Variants in SNX8 observed in about 807,000 individuals in gnomAD.
SNX8 encodes sorting nexin 8.
SNX8 carries 25 observed loss-of-function variants against 51.6 expected under a neutral mutation model. The ratio of observed to expected loss-of-function variants is 0.48; its 90% CI spans 0.35 to 0.68. The LOEUF is 0.68. SNX8 is among the 30% of genes least tolerant of loss of function. The pLI is 0.00. For missense variants in SNX8, 695 were observed against 624.0 expected (o/e 1.11, Z -1.21); for synonymous variants, 324 against 277.0 (o/e 1.17, Z -1.68).
chr7:2,317,907 G>A (rs552540905), upstream of SNX8, among the ~76,000 whole-genome samples: 29 of 152,242 alleles, frequency 1.9e-4, no homozygotes, highest in African/African-American at 6.7e-4. Flanking sequence ...GTGGGACATG[G>A]CAGGATCCTG....
At chr7:2,274,021 G>A (rs1278084404) in intron 3 of SNX8, among the ~76,000 whole-genome samples, 2 of 152,216 alleles carry the variant, frequency 1.3e-5, no homozygotes, top group African/African-American at 4.8e-5. Flanking sequence ...TTCCTTAAAT[G>A]CGCAAGCGGC....
upstream of SNX8, among the ~76,000 whole-genome samples, chr7:2,316,792 C>G (rs1236816587): frequency 6.6e-6 from 1 of 151,824 alleles, no homozygotes; most frequent in East Asian, 1.9e-4. Context: ...CACCCACCCA[C>G]TCACTCACTC....
At chr7:2,295,172 G>T (rs1019552818) in intron 1 of SNX8, among the ~76,000 whole-genome samples, 3 of 152,312 alleles carry the variant, frequency 2.0e-5, no homozygotes, top group African/African-American at 4.8e-5. Flanking sequence ...GGGAGGCCAA[G>T]GCGGGCAGAT....
intron 1 of SNX8, among the ~76,000 whole-genome samples, chr7:2,291,424 C>A (rs1796148987): frequency 6.6e-6 from 1 of 152,040 alleles, no homozygotes; most frequent in Non-Finnish European, 1.5e-5. Context: ...ATGGCGAAAC[C>A]CTGTCTCTAC....
intron 1 of SNX8, among the ~76,000 whole-genome samples, chr7:2,283,436 C>T (rs1432893853): frequency 2.0e-5 from 3 of 152,240 alleles, no homozygotes; most frequent in Non-Finnish European, 4.4e-5. Context: ...TGGGGTTCCC[C>T]GTGCCGATGG....
chr7:2,349,594 G>A (rs1168376773), intron 1 of SNX8, among the ~76,000 whole-genome samples: 1 of 150,798 alleles, frequency 6.6e-6, no homozygotes, highest in African/African-American at 2.4e-5. Context: ...ACAGGAGCAC[G>A]CCCCCACACA....
intron 1 of SNX8, 30 bp downstream of exon 1, chr7:2,314,297 AG>A: frequency 8.2e-7 from 1 of 1,218,814 alleles, no homozygotes; most frequent in Non-Finnish European, 1.0e-6. Flanking sequence ...CGCCCTGGGC[AG>A]GTGGGGGCTA....
In SNX8 at chr7:2,330,816, A is replaced by C. The variant is rs533969974; in HGVS notation, c.-66+23406T>G. The stretch of plus-strand genomic sequence containing the variant: ...AAAACATGGTTTTTCCTAAAACAAC[A>C]GTGAAGCAAGAAAAAGAAAAGAATG... On this transcript the variant is annotated intron_variant, in intron 1 of 5. Transcript: ENST00000435336. Among the ~76,000 whole-genome samples the C allele has an allele frequency of 7.2e-5, 11 of 152,284 alleles. No individual in the cohort carries two copies. The South Asian group carries it at 2.3e-3, about 32-fold the overall frequency.
At chr7:2,263,863 C>T (rs1167731095) in intron 6 of SNX8, among the ~76,000 whole-genome samples, 2 of 152,172 alleles carry the variant, frequency 1.3e-5, no homozygotes, top group South Asian at 2.1e-4. Flanking sequence ...CAGGCACCCG[C>T]CACCACGCCC....
upstream of SNX8, among the ~76,000 whole-genome samples, chr7:2,319,266 G>T (rs566155370): frequency 6.6e-6 from 1 of 150,930 alleles, no homozygotes; most frequent in South Asian, 2.1e-4. Flanking sequence ...CACTTGACCC[G>T]GGGAGGCAGA....
intron 1 of SNX8, among the ~76,000 whole-genome samples, chr7:2,343,731 G>C (rs926439455): frequency 6.6e-6 from 1 of 151,892 alleles, no homozygotes; most frequent in East Asian, 1.9e-4. Flanking sequence ...AAAAATGCCA[G>C]ATATGAGCCA....
intron 1 of SNX8, among the ~76,000 whole-genome samples, chr7:2,345,876 C>T (rs1293449431): frequency 6.6e-6 from 1 of 151,996 alleles, no homozygotes; most frequent in African/African-American, 2.4e-5. Flanking sequence ...GGCAAGATCT[C>T]AGCTCACTGC....
At chr7:2,316,500 T>G (rs901900888), upstream of SNX8, among the ~76,000 whole-genome samples, 16 of 150,036 alleles carry the variant, frequency 1.1e-4, no homozygotes, top group Admixed American at 7.3e-4. Flanking sequence ...CCTGCATTCA[T>G]TCATTCACCC....
At chr7:2,278,346 C>G in intron 1 of SNX8, 41 bp from the exon 2 acceptor site, 1 of 1,300,296 alleles carries the variant, frequency 7.7e-7, no homozygotes, top group South Asian at 1.4e-5. Context: ...AATAGCTGCT[C>G]AAAAGCTGGA....
chr7:2,308,915 G>A (rs186141992), intron 1 of SNX8, among the ~76,000 whole-genome samples: 2,204 of 150,472 alleles, frequency 0.015, 48 homozygotes, highest in African/African-American at 0.051. Flanking sequence ...TCAGCCTCCC[G>A]AGTAGCTGGG....
At position 2,330,557 on chromosome 7, in the gene SNX8, G is replaced by C. The variant is rs1778711619; in HGVS notation, c.-66+23665C>G. 2.6e-5 allele frequency among the ~76,000 whole-genome samples: 4 copies of C among 152,254 alleles called. No individual in the cohort carries two copies. The South Asian group carries it at 8.3e-4, about 32-fold the overall frequency. On this transcript the variant is annotated intron_variant, in intron 1 of 5. Transcript: ENST00000435336. Reference sequence around the variant, plus strand: ...TCCTGGGAACCTCAACATGAAGCCAGTCAGTCAAAAGTTCGAGAGGCCCAG... The same window carrying C: ...TCCTGGGAACCTCAACATGAAGCCACTCAGTCAAAAGTTCGAGAGGCCCAG...
At chr7:2,325,907 G>A (rs2115229398) in intron 1 of SNX8, among the ~76,000 whole-genome samples, 1 of 152,214 alleles carries the variant, frequency 6.6e-6, no homozygotes, top group South Asian at 2.1e-4. Flanking sequence ...CTGGAGAAAG[G>A]GGGACCCCAT....
chr7:2,298,510 C>G (rs1796321965), intron 1 of SNX8, among the ~76,000 whole-genome samples: 1 of 151,776 alleles, frequency 6.6e-6, no homozygotes, highest in Non-Finnish European at 1.5e-5. Context: ...GCTGGGATTA[C>G]AGGCATGCAC....
At chr7:2,332,743 A>AAAAGGAAGGAAGG (rs1778758779) in intron 1 of SNX8, among the ~76,000 whole-genome samples, 2 of 140,282 alleles carry the variant, frequency 1.4e-5, no homozygotes, top group African/African-American at 5.4e-5. Flanking sequence ...GAGAGAGAGA[A>AAAAGGAAGGAAGG]AAGGAAGGAA....
Sources: allele counts gnomAD v4.1 joint callset (sites outside exome capture counted in the v4.1 genomes callset), GRCh38; gene constraint gnomAD v4.1.1; transcripts MANE v1.5; gene names NCBI Gene and HGNC (gene_info 2026-07-23, HGNC 2026-07-21).